Variants in HMCN1 observed in about 807,000 individuals in gnomAD.
HMCN1 encodes the protein hemicentin 1.
In HMCN1, 321 loss-of-function variants were observed where a neutral mutation model predicts 625.9. The ratio of observed to expected loss-of-function variants is 0.51; its 90% CI spans 0.47 to 0.56. The LOEUF is 0.56. Ranked by LOEUF, HMCN1 falls within the 20% of genes least tolerant of loss-of-function variation. HMCN1 has a pLI of 0.00. For missense variants in HMCN1, 6,588 were observed against 6,887.3 expected, an observed-to-expected ratio of 0.96 and a Z score of 1.54; for synonymous variants, 2,425 against 2,417.6, an observed-to-expected ratio of 1.00 and a Z score of -0.09.
intron 57 of HMCN1, among the ~76,000 whole-genome samples, chr1:186,083,605 CATT>C (rs1558207720): frequency 6.6e-6 from 1 of 150,836 alleles, no homozygotes; most frequent in Admixed American, 6.6e-5. Context: ...GGTGGATAAT[CATT>C]ATAAAAGATC....
intron 22 of HMCN1, among the ~76,000 whole-genome samples, chr1:185,990,762 C>T (rs569701379): frequency 1.3e-5 from 2 of 152,194 alleles, no homozygotes; most frequent in South Asian, 4.1e-4. Context: ...TCCATTAATC[C>T]CATAAGAGCA....
chr1:185,808,844 C>T (rs1167088901), intron 1 of HMCN1, among the ~76,000 whole-genome samples: 3 of 152,104 alleles, frequency 2.0e-5, no homozygotes, highest in African/African-American at 7.2e-5. Flanking sequence ...CAACATGGAT[C>T]TTTGGGCAAC....
rs985097483 is a variant in HMCN1, at chr1:186,070,523, C to T, written c.7994-89C>T. 4 of 1,164,498 alleles carry T rather than the reference C, an allele frequency of 3.4e-6. No homozygotes were observed. In the African/African-American group the frequency reaches 6.1e-5, roughly 18 times the overall value. 72.1% of individuals were successfully genotyped at this position (1,164,498 alleles called of 1,614,324 possible). ...AATGCCTCTGTTATTTCCTTGTTTT[C>T]TTGATAAGTAATCCTCAGTGTGATT... On this transcript the variant is annotated intron_variant, in intron 51 of 106. Transcript: ENST00000271588.
chr1:185,763,585 C>G (rs546028691), intron 1 of HMCN1, among the ~76,000 whole-genome samples: 1 of 152,214 alleles, frequency 6.6e-6, no homozygotes, highest in East Asian at 1.9e-4. Context: ...AAATAAAGAG[C>G]TACTTCACAT....
chr1:186,061,304 AAG>A (rs1364292179), intron 46 of HMCN1, among the ~76,000 whole-genome samples: 1 of 152,172 alleles, frequency 6.6e-6, no homozygotes, highest in Non-Finnish European at 1.5e-5. Flanking sequence ...AAGGCGGCAG[AAG>A]AGAGAGTATG....
At chr1:185,753,464 A>G (rs1654943276) in intron 1 of HMCN1, among the ~76,000 whole-genome samples, 1 of 151,816 alleles carries the variant, frequency 6.6e-6, no homozygotes, top group African/African-American at 2.4e-5. Context: ...TTGTGGCCCT[A>G]TTTTTATTAT....
chr1:186,087,640 G>A lies in HMCN1; in HGVS notation c.9358G>A (p.Ala3120Thr). 6.2e-7 allele frequency: 1 copy of A among 1,612,900 alleles called. No individual in the cohort carries two copies. Among genetic ancestry groups the A allele is most frequent in the East Asian group, 2.2e-5 (1 of 44,846 alleles). Reference sequence around the variant, plus strand: ...TGGACAAATGCTACACATTAAGAAAGCTGAGGTGCATCTTTTATTCTTGTT... The same window carrying A: ...TGGACAAATGCTACACATTAAGAAAACTGAGGTGCATCTTTTATTCTTGTT... Reference protein sequence around the residue: ...ADGQMLHIKKAEVSDTGQYVC... With the variant: ...ADGQMLHIKKTEVSDTGQYVC... Residue 3120 changes from alanine to threonine, a missense_variant, in exon 60 of 107, where the codon GCT becomes ACT. Transcript: ENST00000271588.
At chr1:185,930,907 T>TACACACACACACACAC (rs3030426) in intron 10 of HMCN1, among the ~76,000 whole-genome samples, 56 of 139,028 alleles carry the variant, frequency 4.0e-4, no homozygotes, top group African/African-American at 1.5e-3. Flanking sequence ...TTTCACCCAA[T>TACACACACACACACAC]ACACACACAC....
chr1:185,963,739 TTTATA>T, intron 12 of HMCN1, 24 bp from the exon 13 acceptor site: 2 of 1,510,312 alleles, frequency 1.3e-6, no homozygotes, highest in Non-Finnish European at 1.8e-6. Context: ...CATTTTCAAT[TTTATA>T]TTCTTTTTGT....
At chr1:186,028,262 C>T (rs890608575) in intron 36 of HMCN1, among the ~76,000 whole-genome samples, 1 of 152,014 alleles carries the variant, frequency 6.6e-6, no homozygotes, top group Admixed American at 6.6e-5. Context: ...GGAAAAAAAA[C>T]CCAGCAAATT....
chr1:186,088,052 A>G, intron 61 of HMCN1, 39 bp downstream of exon 61: 2 of 1,611,068 alleles, frequency 1.2e-6, no homozygotes, highest in Non-Finnish European at 1.7e-6. Flanking sequence ...TTTCCCCTAG[A>G]TATGCAAATG....
At chr1:185,955,608 T>A (rs1019512125) in intron 11 of HMCN1, among the ~76,000 whole-genome samples, 26 of 152,354 alleles carry the variant, frequency 1.7e-4, no homozygotes, top group African/African-American at 6.3e-4. Flanking sequence ...CTGCTAATTT[T>A]ATAGTCATAC....
At chr1:185,975,918 A>T (rs1166515130) in intron 15 of HMCN1, among the ~76,000 whole-genome samples, 2 of 152,084 alleles carry the variant, frequency 1.3e-5, no homozygotes, top group Non-Finnish European at 2.9e-5. Context: ...GCACACACAC[A>T]CTGTGTTATT....
chr1:185,777,426 A>G (rs1295072886), intron 1 of HMCN1, among the ~76,000 whole-genome samples: 1 of 151,794 alleles, frequency 6.6e-6, no homozygotes, highest in African/African-American at 2.4e-5. Flanking sequence ...AGTATGCACA[A>G]CTGCGGTGCA....
At chr1:186,093,757 G>A in intron 66 of HMCN1, 88 bp downstream of exon 66, 1 of 1,563,020 alleles carries the variant, frequency 6.4e-7, no homozygotes. Flanking sequence ...TTGAAGAAAT[G>A]TTTTTTTCTA....
intron 4 of HMCN1, among the ~76,000 whole-genome samples, chr1:185,871,242 A>AG (rs1663601613): frequency 6.6e-6 from 1 of 151,650 alleles, no homozygotes; most frequent in South Asian, 2.1e-4. Context: ...AAAAAAAAAA[A>AG]AAAAGTCAGC....
intron 22 of HMCN1, 72 bp downstream of exon 22, chr1:185,990,515 T>C: frequency 7.6e-7 from 1 of 1,319,984 alleles, no homozygotes; most frequent in Middle Eastern, 1.8e-4. Context: ...CCATGCCTAT[T>C]CAGGTTATCA....
chr1:186,115,515 C>A, intron 75 of HMCN1, 101 bp downstream of exon 75: 1 of 1,091,012 alleles, frequency 9.2e-7, no homozygotes, highest in Non-Finnish European at 1.4e-6. Context: ...TAGACTATAA[C>A]AAATTAGCTA....
intron 1 of HMCN1, among the ~76,000 whole-genome samples, chr1:185,776,944 A>G (rs553493618): frequency 4.4e-4 from 67 of 152,350 alleles, no homozygotes; most frequent in African/African-American, 1.5e-3. Flanking sequence ...TGCCTTTGAA[A>G]GTATGGTTTG....
Sources: allele counts gnomAD v4.1 joint callset (sites outside exome capture counted in the v4.1 genomes callset), GRCh38; gene constraint gnomAD v4.1.1; transcripts MANE v1.5; gene names NCBI Gene and HGNC (gene_info 2026-07-23, HGNC 2026-07-21).